Variants in CFAP43 observed in about 807,000 individuals in gnomAD.
The protein encoded by CFAP43 is cilia and flagella associated protein 43.
A neutral mutation model predicts 218.9 loss-of-function variants in CFAP43; 155 were observed. The ratio of observed to expected loss-of-function variants is 0.71; its 90% CI spans 0.62 to 0.81. The LOEUF (loss-of-function observed/expected upper bound fraction) is 0.81. Among genes scored for constraint, CFAP43 ranks in the 30% least tolerant of loss-of-function variants. The probability of loss-of-function intolerance (pLI) is 0.00; values close to 1 mark genes in which losing one functional copy is unlikely to be tolerated. For missense variants in CFAP43, 1,778 were observed against 1,954.3 expected (o/e 0.91, Z 1.70); for synonymous variants, 645 against 681.3 (o/e 0.95, Z 0.83).
In CFAP43 at chr10:104,162,298, G is replaced by T; in HGVS notation, c.3333+19C>A. The T allele has an allele frequency of 6.2e-7, 1 of 1,609,066 alleles. No homozygotes were observed. The highest frequency in any genetic ancestry group is 8.5e-7 in the Non-Finnish European group (1 of 1,175,502). On this transcript the variant is annotated intron_variant, in intron 25 of 37. Transcript: ENST00000357060. ...AAGCAAAGAGGGTCTTAGGACCTGT[G>T]TTAAGCAAAGCTACATGCCTGTATC... is the stretch of plus-strand genomic sequence containing the variant.
intron 3 of CFAP43, among the ~76,000 whole-genome samples, chr10:104,216,012 T>G (rs1249665675): frequency 1.3e-5 from 2 of 152,162 alleles, no homozygotes; most frequent in East Asian, 3.9e-4. Context: ...GACTTCTTCC[T>G]GCCAACACAC....
At chr10:104,179,810 T>G in intron 18 of CFAP43, 30 bp downstream of exon 18, 1 of 1,559,584 alleles carries the variant, frequency 6.4e-7, no homozygotes, top group Non-Finnish European at 8.8e-7. Flanking sequence ...CAGAGCACTA[T>G]TTCAAACCTA....
intron 3 of CFAP43, among the ~76,000 whole-genome samples, chr10:104,224,169 G>A (rs182328193): frequency 7.7e-4 from 117 of 152,006 alleles, no homozygotes; most frequent in African/African-American, 2.6e-3. Context: ...TCAGCCTCCC[G>A]AGTAGCTGAG....
At chr10:104,199,428 T>C (rs746645857) in intron 8 of CFAP43, among the ~76,000 whole-genome samples, 2 of 152,238 alleles carry the variant, frequency 1.3e-5, no homozygotes, top group African/African-American at 2.4e-5. Context: ...CTTTCATTTC[T>C]TCAATAAATA....
chr10:104,182,753 C>G (rs1387130975), intron 16 of CFAP43, among the ~76,000 whole-genome samples: 2 of 151,880 alleles, frequency 1.3e-5, no homozygotes, highest in Admixed American at 1.3e-4. Flanking sequence ...GCTCTGTCAC[C>G]TAGGCTGGAG....
chr10:104,209,083 G>A (rs2090778124), intron 5 of CFAP43, among the ~76,000 whole-genome samples: 1 of 152,092 alleles, frequency 6.6e-6, no homozygotes, highest in Non-Finnish European at 1.5e-5. Context: ...TATACAGATC[G>A]AGTCATTATT....
chr10:104,169,097 CCT>C (rs2089301027), intron 20 of CFAP43, among the ~76,000 whole-genome samples: 1 of 130,834 alleles, frequency 7.6e-6, no homozygotes, highest in African/African-American at 3.1e-5. Flanking sequence ...AGTACCTCTA[CCT>C]CTAAGGATGG....
chr10:104,161,236 T>C (rs1457925870), intron 26 of CFAP43, 74 bp from the exon 27 acceptor site: 1 of 1,511,054 alleles, frequency 6.6e-7, no homozygotes, highest in Non-Finnish European at 8.9e-7. Flanking sequence ...CTCAGAGTTT[T>C]TTTTAAAAAG....
chr10:104,197,818 C>A (rs2134931391), intron 9 of CFAP43, 104 bp downstream of exon 9: 2 of 779,274 alleles, frequency 2.6e-6, no homozygotes, highest in Non-Finnish European at 4.3e-6. Context: ...CATTGCTTTG[C>A]CCATGAACTT....
chr10:104,196,813 T>A (rs1293557882), intron 10 of CFAP43, 40 bp downstream of exon 10: 1 of 1,478,220 alleles, frequency 6.8e-7, no homozygotes, highest in East Asian at 2.3e-5. Flanking sequence ...TGGATTAGAA[T>A]TCAGTATTTT....
rs764474143 is a variant in CFAP43 at position 104,185,986 on chromosome 10, G to A, written c.1998C>T (p.Asp666=). The A allele has an allele frequency of 7.5e-6, 12 of 1,610,708 alleles. No homozygotes were observed. Among genetic ancestry groups the A allele is most frequent in the South Asian group, 2.2e-5 (2 of 90,460 alleles). Residue 666 remains aspartate, a synonymous_variant, in exon 15 of 38, where the codon GAC becomes GAT. Coordinates refer to ENST00000357060, the MANE Select transcript of CFAP43 (RefSeq NM_025145.7). ...IAKCGILCIR[D]VYTLETFAWC... is the part of the protein sequence containing the mutation. Reference sequence around the variant, plus strand: ...GAAAGCAGCTTACCAAAGTATAAACGTCTCGGATACACAGAATTCCACATT... The same window carrying A: ...GAAAGCAGCTTACCAAAGTATAAACATCTCGGATACACAGAATTCCACATT...
chr10:104,133,371 T>C (rs962857263), intron 35 of CFAP43: 13 of 346,220 alleles, frequency 3.8e-5, no homozygotes, highest in Middle Eastern at 8.0e-4. Context: ...CTACAGAGAA[T>C]TGAAGGACCA....
intron 16 of CFAP43, among the ~76,000 whole-genome samples, chr10:104,183,383 G>GTTTT (rs34324833): frequency 7.6e-6 from 1 of 130,772 alleles, no homozygotes; most frequent in Non-Finnish European, 1.6e-5. Flanking sequence ...CTAGACCATC[G>GTTTT]TTTTTTTTTT....
intron 24 of CFAP43, 86 bp from the exon 25 acceptor site, chr10:104,162,489 G>A: frequency 8.6e-7 from 1 of 1,167,898 alleles, no homozygotes; most frequent in South Asian, 1.2e-5. Context: ...GAGGCTGGAA[G>A]ATACTAAGGG....
At chr10:104,183,478 T>C (rs1230095497) in intron 16 of CFAP43, among the ~76,000 whole-genome samples, 2 of 150,888 alleles carry the variant, frequency 1.3e-5, no homozygotes, top group African/African-American at 2.4e-5. Flanking sequence ...CAAGCTCCGC[T>C]TCCCGGGTTC....
chr10:104,229,400 C>G (rs1210537502), intron 2 of CFAP43, among the ~76,000 whole-genome samples: 1 of 151,948 alleles, frequency 6.6e-6, no homozygotes, highest in Non-Finnish European at 1.5e-5. Context: ...CGCCTGTAAT[C>G]CCAGCACTTT....
intron 28 of CFAP43, among the ~76,000 whole-genome samples, chr10:104,149,406 G>A (rs1274181069): frequency 1.3e-5 from 2 of 152,114 alleles, no homozygotes; most frequent in Admixed American, 6.5e-5. Context: ...ATAAAGAGAT[G>A]CTTCTCATCA....
At chr10:104,150,460 C>G (rs2088198005) in intron 28 of CFAP43, among the ~76,000 whole-genome samples, 1 of 152,176 alleles carries the variant, frequency 6.6e-6, no homozygotes, top group Admixed American at 6.5e-5. Flanking sequence ...CTAATTACAA[C>G]ACATTTGCCA....
At position 104,161,068 on chromosome 10, in the gene CFAP43, TC is replaced by T; in HGVS notation, c.3508del (p.Glu1170SerfsTer2). Reference protein sequence around the residue: ...QFKDYEKKVKELNEERDKYRK... With the variant: ...QFKDYEKKVKXLNEERDKYRK... ...ATACTTATCTCTTTCTTCATTTAAC[TC>T]CTTTACTTTTTTCTCATAATCTTTG... On this transcript the variant is annotated frameshift_variant, in exon 27 of 38. Coordinates refer to ENST00000357060, the MANE Select transcript of CFAP43 (RefSeq NM_025145.7). LOFTEE classifies it high-confidence loss of function. The T allele has an allele frequency of 6.2e-7, 1 of 1,611,484 alleles. No homozygotes were observed. The highest frequency in any genetic ancestry group is 8.5e-7 in the Non-Finnish European group (1 of 1,177,872).
Sources: gnomAD v4.1 joint callset for allele counts (sites outside exome capture counted in the v4.1 genomes callset) on GRCh38, gnomAD v4.1.1 for gene constraint, MANE v1.5 for transcripts, NCBI Gene and HGNC (gene_info 2026-07-23, HGNC 2026-07-21) for gene names.